Variants in RABGAP1L observed in about 807,000 individuals in gnomAD.
The protein encoded by RABGAP1L is rab GTPase-activating protein 1-like.
Under a neutral mutation model 137.7 loss-of-function variants are expected in RABGAP1L, and 63 were observed. The observed-to-expected ratio is 0.46, with a 90% CI of 0.37 to 0.56. The LOEUF (loss-of-function observed/expected upper bound fraction) is 0.56, where lower values mean the gene tolerates loss of function less well. Ranked by LOEUF, RABGAP1L falls within the 20% of genes least tolerant of loss-of-function variation. The pLI, the probability that RABGAP1L is intolerant of heterozygous loss-of-function variation, is 0.00. For missense variants in RABGAP1L, 1,095 were observed against 1,244.0 expected (o/e 0.88, Z 1.80); for synonymous variants, 431 against 433.7 (o/e 0.99, Z 0.08).
At chr1:174,783,405 G>C (rs1305105957) in intron 18 of RABGAP1L, among the ~76,000 whole-genome samples, 4 of 152,042 alleles carry the variant, frequency 2.6e-5, no homozygotes, top group African/African-American at 9.7e-5. Context: ...GGGAGCAGCC[G>C]TCACCATCTT....
At chr1:174,407,730 CT>C (rs920284670) in intron 13 of RABGAP1L, among the ~76,000 whole-genome samples, 2 of 152,082 alleles carry the variant, frequency 1.3e-5, no homozygotes, top group Non-Finnish European at 2.9e-5. Context: ...CAGAATTCAG[CT>C]TTTTCTTGTA....
chr1:174,747,048 G>T (rs1683930631), intron 17 of RABGAP1L, among the ~76,000 whole-genome samples: 1 of 152,096 alleles, frequency 6.6e-6, no homozygotes, highest in Non-Finnish European at 1.5e-5. Context: ...AATTGCTGGG[G>T]ATTACATATT....
intron 18 of RABGAP1L, among the ~76,000 whole-genome samples, chr1:174,779,175 A>G (rs1327469362): frequency 6.6e-6 from 1 of 152,216 alleles, no homozygotes; most frequent in East Asian, 1.9e-4. Context: ...GAACTTGAGT[A>G]CTGTTTCCTA....
intron 11 of RABGAP1L, among the ~76,000 whole-genome samples, chr1:174,305,395 T>C (rs1003903220): frequency 2.0e-5 from 3 of 152,184 alleles, no homozygotes; most frequent in African/African-American, 7.2e-5. Flanking sequence ...TTTTTATTTT[T>C]TATTTTCTTG....
chr1:174,498,455 C>G (rs1156960903), intron 13 of RABGAP1L, among the ~76,000 whole-genome samples: 1 of 152,138 alleles, frequency 6.6e-6, no homozygotes, highest in African/African-American at 2.4e-5. Flanking sequence ...ATGGGAAATA[C>G]ATATATTTAA....
intron 19 of RABGAP1L, chr1:174,850,178 A>G: frequency 2.4e-6 from 1 of 414,490 alleles, no homozygotes; most frequent in South Asian, 2.0e-5. Context: ...TCTCCTCATA[A>G]CATGATGCCC....
intron 13 of RABGAP1L, among the ~76,000 whole-genome samples, chr1:174,509,889 C>T (rs1275450583): frequency 5.9e-5 from 9 of 152,130 alleles, no homozygotes; most frequent in South Asian, 2.1e-4. Context: ...AAGTCATGTC[C>T]GTTCTACTTA....
intron 19 of RABGAP1L, among the ~76,000 whole-genome samples, chr1:174,911,555 A>G (rs527480215): frequency 6.6e-6 from 1 of 152,240 alleles, no homozygotes; most frequent in African/African-American, 2.4e-5. Context: ...TGAGCCTATT[A>G]TCTAGTTAGT....
At chr1:174,411,724 T>A (rs1168960472) in intron 13 of RABGAP1L, among the ~76,000 whole-genome samples, 2 of 152,106 alleles carry the variant, frequency 1.3e-5, no homozygotes, top group Non-Finnish European at 2.9e-5. Flanking sequence ...GATTTCTGCC[T>A]TAATTTCATT....
intron 11 of RABGAP1L, among the ~76,000 whole-genome samples, chr1:174,328,386 A>C (rs978106587): frequency 1.3e-5 from 2 of 152,180 alleles, no homozygotes; most frequent in Non-Finnish European, 2.9e-5. Flanking sequence ...CAACAACAGG[A>C]GGAAGTTTAG....
intron 13 of RABGAP1L, among the ~76,000 whole-genome samples, chr1:174,560,702 C>T (rs6662375): frequency 6.6e-6 from 1 of 152,018 alleles, no homozygotes; most frequent in African/African-American, 2.4e-5. Flanking sequence ...GTTTTTTGGC[C>T]ATCCTCCCCT....
At chr1:174,899,423 G>A (rs1657771490) in intron 19 of RABGAP1L, among the ~76,000 whole-genome samples, 1 of 152,144 alleles carries the variant, frequency 6.6e-6, no homozygotes, top group Non-Finnish European at 1.5e-5. Flanking sequence ...TTTAAGCAGG[G>A]CAGTCATTAA....
At chr1:174,579,496 G>A (rs1238238230) in intron 13 of RABGAP1L, among the ~76,000 whole-genome samples, 4 of 152,152 alleles carry the variant, frequency 2.6e-5, no homozygotes, top group African/African-American at 7.2e-5. Flanking sequence ...CTGAACACAC[G>A]TGCTGTGGAA....
intron 18 of RABGAP1L, among the ~76,000 whole-genome samples, chr1:174,770,112 A>G (rs1686001683): frequency 6.6e-6 from 1 of 152,200 alleles, no homozygotes; most frequent in Admixed American, 6.5e-5. Context: ...TGTACATTCC[A>G]TTAGTTTTGT....
chr1:174,233,694 T>A (rs1252260609), intron 4 of RABGAP1L, among the ~76,000 whole-genome samples: 1 of 131,214 alleles, frequency 7.6e-6, no homozygotes, highest in African/African-American at 3.8e-5. Context: ...GTTCCAAGTC[T>A]TTGCTATTGT....
chr1:174,255,636 TG>T (rs1405270012), intron 7 of RABGAP1L, among the ~76,000 whole-genome samples: 1 of 152,214 alleles, frequency 6.6e-6, no homozygotes. Flanking sequence ...GCTATTCTCC[TG>T]CCTCAGCCTT....
At chr1:174,410,158 C>T (rs923375782) in intron 13 of RABGAP1L, among the ~76,000 whole-genome samples, 4 of 152,122 alleles carry the variant, frequency 2.6e-5, no homozygotes, top group African/African-American at 9.7e-5. Flanking sequence ...TGCTGTGTCA[C>T]CCCTGGAGGC....
intron 13 of RABGAP1L, among the ~76,000 whole-genome samples, chr1:174,438,604 G>C (rs554523387): frequency 2.6e-5 from 4 of 151,362 alleles, no homozygotes; most frequent in Non-Finnish European, 5.9e-5. Flanking sequence ...TGTAATCCCA[G>C]CTACTTGGGA....
intron 19 of RABGAP1L, among the ~76,000 whole-genome samples, chr1:174,905,418 G>A (rs1658884046): frequency 6.6e-6 from 1 of 151,936 alleles, no homozygotes; most frequent in Admixed American, 6.6e-5. Flanking sequence ...AGCAAAGATT[G>A]AAATAACAAA....
Sources: gnomAD v4.1 joint callset for allele counts (sites outside exome capture counted in the v4.1 genomes callset) on GRCh38, gnomAD v4.1.1 for gene constraint, MANE v1.5 for transcripts, NCBI Gene and HGNC (gene_info 2026-07-23, HGNC 2026-07-21) for gene names.